The following PIK3CD variants were observed in gnomAD, a reference collection of about 807,000 sequenced individuals.
PIK3CD encodes the protein phosphatidylinositol 4,5-bisphosphate 3-kinase catalytic subunit delta isoform.
Under a neutral mutation model 122.9 loss-of-function variants are expected in PIK3CD, and 20 were observed. The observed-to-expected ratio is 0.16, with a 90% CI of 0.11 to 0.24. The LOEUF (loss-of-function observed/expected upper bound fraction) is 0.24, where lower values mean the gene tolerates loss of function less well. PIK3CD is among the 10% of genes least tolerant of loss of function. The probability of loss-of-function intolerance (pLI) is 1.00; values close to 1 mark genes in which losing one functional copy is unlikely to be tolerated. For synonymous variants in PIK3CD, 596 were observed against 593.4 expected (o/e 1.00, Z -0.06); for missense variants, 787 against 1,406.3 (o/e 0.56, Z 7.04).
intron 1 of PIK3CD, among the ~76,000 whole-genome samples, chr1:9,687,951 G>A (rs898302789): frequency 2.6e-5 from 4 of 151,236 alleles, no homozygotes; most frequent in Non-Finnish European, 5.9e-5. Flanking sequence ...CCCCTGGCAA[G>A]GCTGCCGGGT....
chr1:9,644,769 C>T, the PIK3CD span, among the ~76,000 whole-genome samples: 3 of 152,014 alleles, frequency 2.0e-5, no homozygotes, highest in African/African-American at 7.2e-5. Flanking sequence ...GAAAAATGGC[C>T]CCTTAGCTGC....
chr1:9,721,906 G>A (rs559023100), intron 16 of PIK3CD, 46 bp downstream of exon 16: 18 of 1,612,072 alleles, frequency 1.1e-5, no homozygotes, highest in Admixed American at 5.0e-5. Context: ...GGCCCTGAGC[G>A]TCTGGGAATC....
At chr1:9,682,230 C>T (rs942575325) in intron 1 of PIK3CD, among the ~76,000 whole-genome samples, 5 of 151,998 alleles carry the variant, frequency 3.3e-5, no homozygotes, top group South Asian at 2.1e-4. Context: ...GCCAAGGCTG[C>T]GTTTTTATTT....
At chr1:9,705,825 A>G (rs898553497) in intron 2 of PIK3CD, among the ~76,000 whole-genome samples, 5 of 152,176 alleles carry the variant, frequency 3.3e-5, no homozygotes, top group African/African-American at 1.2e-4. Context: ...CCAAGTGTTG[A>G]CCAATATCTG....
rs893245709 is a variant in PIK3CD at position 9,723,665 on chromosome 1, T to A, written c.2595-304T>A. 6.6e-6 allele frequency among the ~76,000 whole-genome samples: 1 copy of A among 152,170 alleles called. No homozygotes were observed. The highest frequency in any genetic ancestry group is 1.5e-5 in the Non-Finnish European group (1 of 68,034). On this transcript the variant is annotated intron_variant, in intron 20 of 23. Coordinates refer to ENST00000377346, the MANE Select transcript of PIK3CD (RefSeq NM_005026.5). This position sits in a 1 kb window ranked among gnomAD's most constrained non-coding sequence, Gnocchi z 4.9. ...CCAGTGGGGTCTGAGATAACCCATC[T>A]CATTCCTGGGGCCTTGGCGCCAGCT... is the stretch of plus-strand genomic sequence containing the variant.
intron 1 of PIK3CD, chr1:9,688,181 T>C (rs1469083976): frequency 1.3e-5 from 2 of 152,284 alleles, no homozygotes; most frequent in Non-Finnish European, 2.9e-5. Context: ...CGGCCCTGCC[T>C]TGACCTCACG....
intron 1 of PIK3CD, chr1:9,653,196 C>G (rs1292265320): frequency 6.4e-6 from 1 of 155,414 alleles, no homozygotes; most frequent in African/African-American, 2.4e-5. Flanking sequence ...AAGGGCTAAC[C>G]CCCTGCTCTC....
At position 9,727,680 on chromosome 1, in the gene PIK3CD, C is replaced by T. The variant is rs1157426568; in HGVS notation, c.*634C>T. ...ACGGCTGGGGAGATCAGGCCCAGCC[C>T]CATAAAGGAGAATCTACGCTGGTCC... On this transcript the variant is annotated 3_prime_UTR_variant, in exon 24 of 24. Coordinates refer to ENST00000377346, the MANE Select transcript of PIK3CD (RefSeq NM_005026.5). 4.6e-6 allele frequency: 1 copy of T among 216,776 alleles called. No individual in the cohort carries two copies. The highest frequency in any genetic ancestry group is 9.4e-6 in the Non-Finnish European group (1 of 106,884). 13.4% of individuals were successfully genotyped at this position (216,776 alleles called of 1,614,324 possible).
At chr1:9,716,413 G>T (rs377181944) in intron 5 of PIK3CD, 27 bp from the exon 6 acceptor site, 1 of 1,610,122 alleles carries the variant, frequency 6.2e-7, no homozygotes, top group African/African-American at 1.3e-5. Context: ...CTCGAGGGCA[G>T]AGGACTGACC....
Position 9,718,650 on chromosome 1 carries a change from C to A in PIK3CD, c.1021-44C>A. On this transcript the variant is annotated intron_variant, in intron 8 of 23. Transcript: ENST00000377346. The surrounding 1 kb of genome is among the most constrained non-coding windows in gnomAD (Gnocchi z 7.2). The stretch of plus-strand genomic sequence containing the variant: ...CACCTTAAGGGGGAGGGGAGAGGGG[C>A]TGGGCCTCTGCCTCCTCACCCATCA... The A allele has an allele frequency of 1.3e-6, 2 of 1,549,012 alleles. No individual in the cohort carries two copies. Among genetic ancestry groups the A allele is most frequent in the Non-Finnish European group, 1.8e-6 (2 of 1,134,396 alleles).
chr1:9,690,838 C>G (rs1646172234), intron 1 of PIK3CD, among the ~76,000 whole-genome samples: 2 of 152,162 alleles, frequency 1.3e-5, no homozygotes, highest in African/African-American at 4.8e-5. Flanking sequence ...TAGCTATGCC[C>G]AGGGCCTGGG....
At chr1:9,650,521 G>C (rs985312951), upstream of PIK3CD, among the ~76,000 whole-genome samples, 1 of 152,172 alleles carries the variant, frequency 6.6e-6, no homozygotes, top group Admixed American at 6.5e-5. Context: ...CTACTTGGGA[G>C]GCTGAGGTAG....
At chr1:9,641,685 C>T in the PIK3CD span, among the ~76,000 whole-genome samples, 9 of 152,142 alleles carry the variant, frequency 5.9e-5, no homozygotes, top group African/African-American at 2.2e-4. Context: ...CCTCCACCTG[C>T]AAAACCCACA....
At chr1:9,655,212 C>T (rs1300775631) in intron 1 of PIK3CD, among the ~76,000 whole-genome samples, 1 of 152,144 alleles carries the variant, frequency 6.6e-6, no homozygotes, top group Non-Finnish European at 1.5e-5. Context: ...AGGAAGGGCC[C>T]TATCCACTGG....
chr1:9,635,583 T>C, the PIK3CD span, among the ~76,000 whole-genome samples: 7 of 152,326 alleles, frequency 4.6e-5, no homozygotes, highest in Non-Finnish European at 7.4e-5. Flanking sequence ...GTGATACCCC[T>C]GGTCTTATCA....
chr1:9,683,616 T>C (rs1331130040), intron 1 of PIK3CD, among the ~76,000 whole-genome samples: 1 of 152,084 alleles, frequency 6.6e-6, no homozygotes, highest in Non-Finnish European at 1.5e-5. Context: ...AGATGACTAT[T>C]GTAACTATTT....
the PIK3CD span, among the ~76,000 whole-genome samples, chr1:9,638,498 C>A: frequency 6.6e-6 from 1 of 151,804 alleles, no homozygotes; most frequent in African/African-American, 2.4e-5. Flanking sequence ...TTTGGGAGGC[C>A]GAGGCGGGCG....
chr1:9,719,038 C>T lies in PIK3CD; in HGVS notation c.1242+123C>T, dbSNP rs1361501683. 4 of 923,750 alleles carry T rather than the reference C, an allele frequency of 4.3e-6. No homozygotes were observed. The highest frequency in any genetic ancestry group is 6.7e-6 in the Non-Finnish European group (4 of 593,578). 57.2% of individuals were successfully genotyped at this position (923,750 alleles called of 1,614,324 possible). A position where few individuals can be genotyped will look rare whatever the true frequency, so the allele number is the denominator to read the frequency against. On this transcript the variant is annotated intron_variant, in intron 9 of 23. Coordinates refer to ENST00000377346, the MANE Select transcript of PIK3CD (RefSeq NM_005026.5). The surrounding 1 kb of genome is among the most constrained non-coding windows in gnomAD (Gnocchi z 5.5). ...CCTGGGGATGGGGGTCCTGGGATTGCTTGTGGACCCCAGCCTCCTCACCCA... is the reference window on the plus strand; with the variant it reads ...CCTGGGGATGGGGGTCCTGGGATTGTTTGTGGACCCCAGCCTCCTCACCCA...
intron 1 of PIK3CD, among the ~76,000 whole-genome samples, chr1:9,671,800 A>G (rs12090365): frequency 0.035 from 5,314 of 152,232 alleles, 246 homozygotes; most frequent in African/African-American, 0.094. Context: ...ATCTGAGGCA[A>G]ATACTGCTGG....
Sources: allele counts gnomAD v4.1 joint callset (sites outside exome capture counted in the v4.1 genomes callset), GRCh38; gene constraint gnomAD v4.1.1; non-coding constraint Gnocchi (gnomAD v3.1); transcripts MANE v1.5; gene names NCBI Gene and HGNC (gene_info 2026-07-23, HGNC 2026-07-21).